Variants in TG observed in about 807,000 individuals in gnomAD.
The protein encoded by TG is thyroglobulin, also known as thyroid hormones.
In TG, 270 loss-of-function variants were observed where a neutral mutation model predicts 324.7. The ratio of observed to expected loss-of-function variants is 0.83; its 90% CI spans 0.75 to 0.92. The LOEUF (loss-of-function observed/expected upper bound fraction) is 0.92. Among genes scored for constraint, TG ranks in the 40% least tolerant of loss-of-function variants. The probability of loss-of-function intolerance (pLI) is 0.00; values close to 1 mark genes in which losing one functional copy is unlikely to be tolerated. For synonymous variants in TG, 1,401 were observed against 1,327.0 expected (o/e 1.06, Z -1.21); for missense variants, 3,591 against 3,456.4 (o/e 1.04, Z -0.98).
intron 35 of TG, among the ~76,000 whole-genome samples, chr8:132,985,632 A>C (rs887337983): frequency 2.0e-5 from 3 of 152,196 alleles, no homozygotes; most frequent in African/African-American, 7.2e-5. Flanking sequence ...ATCCTGTTAC[A>C]ATTGTCAAGA....
rs200019421 is a variant in TG, at chr8:133,040,076, G to A, written c.7239+10053G>A. ...GGAGGCCCTCACTGCTGGGGCAGCC[G>A]TGCTTTGTGTCAGGCAGGGCGTGGT... On this transcript the variant is annotated intron_variant, in intron 41 of 47. Coordinates refer to ENST00000220616, the MANE Select transcript of TG (RefSeq NM_003235.5). 977 of 1,559,780 alleles carry A rather than the reference G, an allele frequency of 6.3e-4. 10 individuals are homozygous for A. In the South Asian group the frequency reaches 9.5e-3, roughly 15 times the overall value.
chr8:133,050,912 A>G (rs771736511), intron 41 of TG: 9 of 1,608,702 alleles, frequency 5.6e-6, no homozygotes, highest in Non-Finnish European at 6.8e-6. Context: ...GTCGCTATCC[A>G]GTCCTGGGGA....
intron 25 of TG, 44 bp downstream of exon 25, chr8:132,935,908 C>T (rs1278737390): frequency 6.7e-7 from 1 of 1,486,828 alleles, no homozygotes; most frequent in East Asian, 2.3e-5. Flanking sequence ...GGTGGCTTCA[C>T]ACGGTCATGT....
intron 35 of TG, among the ~76,000 whole-genome samples, chr8:132,986,760 T>G (rs1831608921): frequency 6.6e-6 from 1 of 152,170 alleles, no homozygotes; most frequent in East Asian, 1.9e-4. Context: ...TTATTGGGCT[T>G]GAGAAATTTA....
chr8:132,968,186 T>A (rs1210012405), intron 31 of TG, among the ~76,000 whole-genome samples: 1 of 152,060 alleles, frequency 6.6e-6, no homozygotes, highest in Non-Finnish European at 1.5e-5. Context: ...TGAAAAAGGG[T>A]TATTTGGGGG....
chr8:133,020,860 G>A (rs1835495995), intron 39 of TG, among the ~76,000 whole-genome samples: 1 of 152,180 alleles, frequency 6.6e-6, no homozygotes, highest in African/African-American at 2.4e-5. Flanking sequence ...ACGGGGGCAG[G>A]TCCTCAGGCA....
At chr8:132,937,825 C>A (rs1823830204) in intron 25 of TG, among the ~76,000 whole-genome samples, 1 of 151,494 alleles carries the variant, frequency 6.6e-6, no homozygotes, top group Non-Finnish European at 1.5e-5. Context: ...TCCTTTTTGT[C>A]TCCTGAAAGT....
chr8:132,952,748 G>A (rs998337016), intron 27 of TG, among the ~76,000 whole-genome samples: 2 of 152,154 alleles, frequency 1.3e-5, no homozygotes, highest in Non-Finnish European at 1.5e-5. Context: ...CAACTCAATC[G>A]ATCCTTTGGG....
chr8:132,944,111 TG>T (rs752206144), intron 26 of TG, among the ~76,000 whole-genome samples: 80 of 152,194 alleles, frequency 5.3e-4, no homozygotes, highest in Non-Finnish European at 9.0e-4. Flanking sequence ...CCGATCTCAG[TG>T]AAGGGCACCT....
At chr8:132,878,937 C>T (rs1472148754) in intron 5 of TG, among the ~76,000 whole-genome samples, 1 of 152,190 alleles carries the variant, frequency 6.6e-6, no homozygotes, top group Admixed American at 6.5e-5. Context: ...CCTGACTCTC[C>T]AGCTTTCATC....
intron 41 of TG, chr8:133,076,758 G>GTAAA (rs1844932463): frequency 3.3e-4 from 17 of 51,042 alleles, no homozygotes; most frequent in Admixed American, 2.9e-3. Context: ...GGATTTAGCT[G>GTAAA]TAAAAAAAAA....
Position 132,873,210 on chromosome 8 carries a change from CAGCT to C in TG, c.629_632del (p.Ser210ThrfsTer9). 2 of 1,614,126 alleles carry C rather than the reference CAGCT, an allele frequency of 1.2e-6. No individual in the cohort carries two copies. The highest frequency in any genetic ancestry group is 1.1e-5 in the South Asian group (1 of 91,082). ...ACATGATGATTTTTGATCTGGTCCA[CAGCT>C]ACAACAGGTAAGGGGAGCAGGGGTG... is the stretch of plus-strand genomic sequence containing the variant. On this transcript the variant is annotated frameshift_variant, in exon 5 of 48. Coordinates refer to ENST00000220616, the MANE Select transcript of TG (RefSeq NM_003235.5). LOFTEE classifies it high-confidence loss of function.
chr8:132,993,360 C>T (rs1334046538), intron 35 of TG, among the ~76,000 whole-genome samples: 1 of 152,192 alleles, frequency 6.6e-6, no homozygotes, highest in Non-Finnish European at 1.5e-5. Context: ...CCCTTTGGCA[C>T]TCCTTAAGTA....
At chr8:133,124,220 G>T (rs1320097373) in intron 45 of TG, among the ~76,000 whole-genome samples, 1 of 152,198 alleles carries the variant, frequency 6.6e-6, no homozygotes, top group African/African-American at 2.4e-5. Flanking sequence ...GTGTGCTATG[G>T]CACTTGAATT....
At chr8:132,917,300 G>A (rs1482381027) in intron 20 of TG, among the ~76,000 whole-genome samples, 2 of 152,106 alleles carry the variant, frequency 1.3e-5, no homozygotes, top group East Asian at 3.9e-4. Context: ...TGCTGGGGTA[G>A]GAAATGCTGG....
chr8:132,923,324 T>C lies in TG; in HGVS notation c.4529-14T>C, dbSNP rs1177290587. On this transcript the variant is annotated splice_polypyrimidine_tract_variant and intron_variant, in intron 21 of 47. Coordinates refer to ENST00000220616, the MANE Select transcript of TG (RefSeq NM_003235.5). The stretch of plus-strand genomic sequence containing the variant: ...GGCCCATTATTGACGGCTATGTCAA[T>C]CTATTGGTTCTAGGTGTCACTGACT... 6.2e-7 allele frequency: 1 copy of C among 1,613,864 alleles called. No homozygotes were observed. The highest frequency in any genetic ancestry group is 1.7e-5 in the Admixed American group (1 of 60,006).
intron 40 of TG, among the ~76,000 whole-genome samples, chr8:133,024,259 G>C (rs1835812588): frequency 6.6e-6 from 1 of 152,140 alleles, no homozygotes; most frequent in Non-Finnish European, 1.5e-5. Flanking sequence ...CTGTTCTTCA[G>C]CTGTGCTGAA....
At chr8:132,879,365 G>A (rs1215219901) in intron 5 of TG, among the ~76,000 whole-genome samples, 1 of 152,156 alleles carries the variant, frequency 6.6e-6, no homozygotes, top group Non-Finnish European at 1.5e-5. Context: ...CTTGGCCCCT[G>A]GTCTTGGCTG....
chr8:132,963,138 C>A, intron 29 of TG, 64 bp downstream of exon 29: 1 of 1,450,620 alleles, frequency 6.9e-7, no homozygotes, highest in Non-Finnish European at 9.7e-7. Flanking sequence ...ATGGGTGCAC[C>A]AAGAGTTTAA....
Sources: allele counts gnomAD v4.1 joint callset (sites outside exome capture counted in the v4.1 genomes callset), GRCh38; gene constraint gnomAD v4.1.1; transcripts MANE v1.5; gene names NCBI Gene and HGNC (gene_info 2026-07-23, HGNC 2026-07-21).